The following IQCM variants were observed in gnomAD, a reference collection of about 807,000 sequenced individuals.
IQCM encodes IQ domain-containing protein M.
IQCM carries 45 observed loss-of-function variants against 57.6 expected under a neutral mutation model. The observed-to-expected ratio is 0.78, with a 90% CI of 0.62 to 1.00. The LOEUF is 1.00. IQCM is among the 50% of genes least tolerant of loss of function. IQCM has a pLI of 0.00. For synonymous variants in IQCM, 148 were observed against 158.9 expected (o/e 0.93, Z 0.51); for missense variants, 468 against 511.6 (o/e 0.91, Z 0.82).
At chr4:149,570,523 T>G (rs1017682691) in intron 9 of IQCM, among the ~76,000 whole-genome samples, 1 of 152,228 alleles carries the variant, frequency 6.6e-6, no homozygotes, top group East Asian at 1.9e-4. Context: ...TTATATGTAA[T>G]GTAGGTAAAA....
chr4:149,597,539 C>T (rs1027960725), intron 8 of IQCM, among the ~76,000 whole-genome samples: 17 of 152,020 alleles, frequency 1.1e-4, no homozygotes, highest in Middle Eastern at 3.4e-3. Flanking sequence ...TACAGGCCCA[C>T]GCCACCATGG....
intron 11 of IQCM, among the ~76,000 whole-genome samples, chr4:149,550,654 C>T (rs1400006949): frequency 6.6e-6 from 1 of 152,054 alleles, no homozygotes; most frequent in Non-Finnish European, 1.5e-5. Flanking sequence ...AAATATAAAA[C>T]TTAAATCATG....
chr4:149,479,043 A>G (rs1740506066), intron 12 of IQCM, among the ~76,000 whole-genome samples: 1 of 152,168 alleles, frequency 6.6e-6, no homozygotes, highest in Non-Finnish European at 1.5e-5. Context: ...CTTTTGACAG[A>G]ATCAAAAGAG....
chr4:149,674,532 T>C lies in IQCM; in HGVS notation c.565+7586A>G, dbSNP rs192255742. Among the ~76,000 whole-genome samples the C allele has an allele frequency of 1.2e-3, 179 of 152,236 alleles. 1 individual carries two copies. In the Middle Eastern group the frequency reaches 0.014, roughly 12 times the overall value. On this transcript the variant is annotated intron_variant, in intron 7 of 13. Coordinates refer to ENST00000636793, the MANE Select transcript of IQCM (RefSeq NM_001363507.2). ...TAGATAGGTCTGGAGGATGTGGCTA[T>C]GCCTATGACAGAGTAGTCAGGGATG... is the stretch of plus-strand genomic sequence containing the variant.
In IQCM at chr4:149,398,554, T is replaced by G. The variant is rs377468187; in HGVS notation, c.1390+34842A>C. On this transcript the variant is annotated intron_variant, in intron 13 of 13. Transcript: ENST00000636793. The stretch of plus-strand genomic sequence containing the variant: ...GTTTCTTTCATCAATGATCTATAGT[T>G]TTTCAGTATGTTAGTCTTTCACCTC... 4.9e-4 allele frequency among the ~76,000 whole-genome samples: 74 copies of G among 152,180 alleles called. 1 individual carries two copies. Among genetic ancestry groups the G allele is most frequent in the African/African-American group, 1.6e-3 (66 of 41,558 alleles).
chr4:149,636,478 C>G (rs1757725837), intron 7 of IQCM, among the ~76,000 whole-genome samples: 1 of 152,050 alleles, frequency 6.6e-6, no homozygotes, highest in Non-Finnish European at 1.5e-5. Flanking sequence ...GTGTGTGGAT[C>G]CTCTTTTGAT....
At chr4:149,569,809 T>C (rs1042893380) in intron 9 of IQCM, among the ~76,000 whole-genome samples, 7 of 152,124 alleles carry the variant, frequency 4.6e-5, no homozygotes, top group African/African-American at 1.7e-4. Context: ...GAAAACTTCA[T>C]ATGGTAATCT....
At chr4:149,742,512 T>A in intron 3 of IQCM, 143 bp downstream of exon 3, 2 of 469,640 alleles carry the variant, frequency 4.3e-6, no homozygotes, top group Non-Finnish European at 6.8e-6. Context: ...GTTGGTTATT[T>A]TTAAATAAAG....
rs1560778865 is a variant in IQCM at position 149,368,795 on chromosome 4, CATATATATACAT to C, written c.1391-16741_1391-16730del. ...ACATATATATACATGTATATATATA[CATATATATACAT>C]GTATATATATACATATATATACATG... is the stretch of plus-strand genomic sequence containing the variant. On this transcript the variant is annotated intron_variant, in intron 13 of 13. Coordinates refer to ENST00000636793, the MANE Select transcript of IQCM (RefSeq NM_001363507.2). Among the ~76,000 whole-genome samples, 224 of 85,214 alleles carry C rather than the reference CATATATATACAT, an allele frequency of 2.6e-3. 40 individuals carry two copies. The highest frequency in any genetic ancestry group is 8.1e-3 in the Middle Eastern group (1 of 124). The allele number at this position is 85,214 out of a possible 152,430, so 55.9% of individuals were successfully genotyped here.
intron 12 of IQCM, among the ~76,000 whole-genome samples, chr4:149,436,801 T>C (rs1579051874): frequency 6.6e-6 from 1 of 152,192 alleles, no homozygotes; most frequent in South Asian, 2.1e-4. Flanking sequence ...GAATAAGAGC[T>C]CTTCCTTACC....
At chr4:149,757,789 T>C (rs1352010259) in intron 2 of IQCM, among the ~76,000 whole-genome samples, 1 of 152,004 alleles carries the variant, frequency 6.6e-6, no homozygotes, top group African/African-American at 2.4e-5. Flanking sequence ...AAAAAATACA[T>C]ATTCTTCTTA....
chr4:149,374,998 T>TTG (rs1351730170), intron 13 of IQCM, among the ~76,000 whole-genome samples: 1 of 132,422 alleles, frequency 7.6e-6, no homozygotes, highest in African/African-American at 2.7e-5. Flanking sequence ...TGTGTGTGTG[T>TTG]TGTGTGTGTG....
intron 7 of IQCM, among the ~76,000 whole-genome samples, chr4:149,632,374 G>A (rs1342676435): frequency 6.6e-6 from 1 of 152,150 alleles, no homozygotes; most frequent in Non-Finnish European, 1.5e-5. Context: ...TTCTTCACAG[G>A]TTATGTATGA....
intron 12 of IQCM, among the ~76,000 whole-genome samples, chr4:149,465,847 G>A (rs1738804881): frequency 6.6e-6 from 1 of 151,988 alleles, no homozygotes; most frequent in African/African-American, 2.4e-5. Flanking sequence ...GATTCCTAAT[G>A]GCATGGTAGA....
chr4:149,761,520 G>A (rs1425351981), intron 2 of IQCM, among the ~76,000 whole-genome samples: 1 of 151,996 alleles, frequency 6.6e-6, no homozygotes, highest in Non-Finnish European at 1.5e-5. Flanking sequence ...CTCCTCATCA[G>A]AAGTCTTTCT....
chr4:149,726,524 G>A (rs1765957398), intron 5 of IQCM, among the ~76,000 whole-genome samples: 1 of 152,072 alleles, frequency 6.6e-6, no homozygotes, highest in Admixed American at 6.5e-5. Context: ...CCCTCTAAGT[G>A]TTAGAAATTC....
At chr4:149,426,162 G>A (rs1039400856) in intron 13 of IQCM, among the ~76,000 whole-genome samples, 1 of 151,856 alleles carries the variant, frequency 6.6e-6, no homozygotes. Flanking sequence ...TATAATCATG[G>A]TGATAAGAAA....
At chr4:149,466,927 G>A (rs1351752092) in intron 12 of IQCM, among the ~76,000 whole-genome samples, 1 of 152,116 alleles carries the variant, frequency 6.6e-6, no homozygotes, top group Admixed American at 6.6e-5. Flanking sequence ...CCTCCCTCCA[G>A]CTTCTTTTCT....
chr4:149,553,385 A>G (rs1749225597), intron 10 of IQCM, 98 bp from the exon 11 acceptor site: 4 of 981,996 alleles, frequency 4.1e-6, no homozygotes, highest in South Asian at 1.1e-4. Context: ...TTCTAAGATT[A>G]TGGGTGTATT....
Sources: gnomAD v4.1 joint callset for allele counts (sites outside exome capture counted in the v4.1 genomes callset) on GRCh38, gnomAD v4.1.1 for gene constraint, MANE v1.5 for transcripts, NCBI Gene and HGNC (gene_info 2026-07-23, HGNC 2026-07-21) for gene names.